The following CNTNAP2 variants were observed in gnomAD, a reference collection of about 807,000 sequenced individuals.
The protein encoded by CNTNAP2 is contactin associated protein 2.
CNTNAP2 carries 98 observed loss-of-function variants against 155.2 expected under a neutral mutation model. The observed-to-expected ratio is 0.63, with a 90% CI of 0.54 to 0.75. The LOEUF (loss-of-function observed/expected upper bound fraction) is 0.75, where lower values mean the gene tolerates loss of function less well. CNTNAP2 is among the 30% of genes least tolerant of loss of function. The probability of loss-of-function intolerance (pLI) is 0.00; values close to 1 mark genes in which losing one functional copy is unlikely to be tolerated. For synonymous variants in CNTNAP2, 651 were observed against 631.2 expected (o/e 1.03, Z -0.47); for missense variants, 1,727 against 1,688.1 (o/e 1.02, Z -0.40).
intron 10 of CNTNAP2, among the ~76,000 whole-genome samples, chr7:147,478,012 A>G (rs552165059): frequency 7.2e-5 from 11 of 152,374 alleles, no homozygotes; most frequent in African/African-American, 2.6e-4. Flanking sequence ...CAACACATAA[A>G]TGACTTAAAT....
At chr7:147,863,172 C>T (rs1799166063) in intron 13 of CNTNAP2, among the ~76,000 whole-genome samples, 1 of 152,248 alleles carries the variant, frequency 6.6e-6, no homozygotes, top group East Asian at 1.9e-4. Context: ...TAAGTGAGAA[C>T]ATGTGGTGTT....
At chr7:146,744,838 G>A (rs1344481974) in intron 1 of CNTNAP2, among the ~76,000 whole-genome samples, 1 of 152,150 alleles carries the variant, frequency 6.6e-6, no homozygotes, top group Admixed American at 6.5e-5. Flanking sequence ...CAAAGCTTAA[G>A]TTAAGCCCTG....
chr7:146,131,280 C>T (rs553295383), intron 1 of CNTNAP2, among the ~76,000 whole-genome samples: 2 of 152,248 alleles, frequency 1.3e-5, no homozygotes, highest in Admixed American at 6.5e-5. Flanking sequence ...ATTGTTAATA[C>T]ATTGAGATAG....
intron 1 of CNTNAP2, among the ~76,000 whole-genome samples, chr7:146,476,558 G>A (rs975617009): frequency 9.2e-5 from 14 of 152,016 alleles, no homozygotes; most frequent in Non-Finnish European, 1.5e-4. Context: ...TGAATTGAAC[G>A]TAGAGTTGTA....
rs371699896 is a variant in CNTNAP2, at chr7:146,680,605, C to A, written c.98-93666C>A. On this transcript the variant is annotated intron_variant, in intron 1 of 23. Transcript: ENST00000361727. ...TCCTTAGTTCATTTATGAAAAAATA[C>A]AAACCATTCAAACCCTCTGTCATAT... Among the ~76,000 whole-genome samples, 16 of 152,306 alleles carry A rather than the reference C, an allele frequency of 1.1e-4. No individual in the cohort carries two copies. The East Asian group carries it at 2.5e-3, about 24-fold the overall frequency.
At chr7:146,476,935 T>C (rs1005856025) in intron 1 of CNTNAP2, among the ~76,000 whole-genome samples, 1 of 152,140 alleles carries the variant, frequency 6.6e-6, no homozygotes, top group African/African-American at 2.4e-5. Flanking sequence ...TAAACAAAGG[T>C]AGAGAATAAA....
At chr7:147,387,328 C>G (rs1190969984) in intron 9 of CNTNAP2, among the ~76,000 whole-genome samples, 1 of 152,152 alleles carries the variant, frequency 6.6e-6, no homozygotes, top group Non-Finnish European at 1.5e-5. Flanking sequence ...CCTTCTCATT[C>G]TTGAATATTC....
At chr7:147,423,453 C>G (rs1199092009) in intron 10 of CNTNAP2, among the ~76,000 whole-genome samples, 1 of 152,072 alleles carries the variant, frequency 6.6e-6, no homozygotes, top group Non-Finnish European at 1.5e-5. Flanking sequence ...TGAAGTGGTT[C>G]CAAAACCATT....
chr7:147,505,477 C>T (rs1260640406), intron 11 of CNTNAP2, among the ~76,000 whole-genome samples: 1 of 152,134 alleles, frequency 6.6e-6, no homozygotes, highest in African/African-American at 2.4e-5. Flanking sequence ...AGTGTACACA[C>T]TAAAGTGTGT....
chr7:147,214,195 C>T (rs1234585419), intron 8 of CNTNAP2, among the ~76,000 whole-genome samples: 1 of 152,126 alleles, frequency 6.6e-6, no homozygotes, highest in Admixed American at 6.5e-5. Flanking sequence ...ATAAAAACAC[C>T]ATACGTAGGA....
At chr7:147,195,436 AG>A (rs1802771123) in intron 8 of CNTNAP2, among the ~76,000 whole-genome samples, 3 of 151,962 alleles carry the variant, frequency 2.0e-5, no homozygotes, top group Non-Finnish European at 2.9e-5. Context: ...AATTTAAAAT[AG>A]TTTTTTTTTC....
chr7:146,191,507 G>A (rs372913697), intron 1 of CNTNAP2, among the ~76,000 whole-genome samples: 23 of 152,180 alleles, frequency 1.5e-4, no homozygotes, highest in South Asian at 1.2e-3. Flanking sequence ...GCAGACAGCC[G>A]GTCTGAGTAA....
At chr7:147,834,263 A>G (rs1331545151) in intron 13 of CNTNAP2, among the ~76,000 whole-genome samples, 1 of 152,174 alleles carries the variant, frequency 6.6e-6, no homozygotes, top group Non-Finnish European at 1.5e-5. Context: ...AAATTTTTCC[A>G]TGACTGCTTT....
intron 2 of CNTNAP2, among the ~76,000 whole-genome samples, chr7:146,787,913 C>T (rs1218543584): frequency 6.6e-6 from 1 of 152,196 alleles, no homozygotes; most frequent in African/African-American, 2.4e-5. Context: ...CTGATTGGTG[C>T]GTTCACAGTC....
At chr7:148,061,914 A>G (rs9692421) in intron 15 of CNTNAP2, among the ~76,000 whole-genome samples, 11,221 of 95,658 alleles carry the variant, frequency 0.12, 860 homozygotes, top group East Asian at 0.3. Context: ...TAGATAGATA[A>G]ACAGATATAG....
At chr7:147,324,156 G>C (rs1795408639) in intron 9 of CNTNAP2, among the ~76,000 whole-genome samples, 1 of 152,152 alleles carries the variant, frequency 6.6e-6, no homozygotes, top group South Asian at 2.1e-4. Flanking sequence ...TTGAAAAGAA[G>C]TAAGGTGTAT....
At chr7:146,446,841 T>C (rs1333422741) in intron 1 of CNTNAP2, among the ~76,000 whole-genome samples, 1 of 152,036 alleles carries the variant, frequency 6.6e-6, no homozygotes, top group Non-Finnish European at 1.5e-5. Flanking sequence ...TGTTCTATAT[T>C]CTATAAAGGC....
chr7:147,268,973 C>G (rs1377148170), intron 8 of CNTNAP2, among the ~76,000 whole-genome samples: 2 of 152,236 alleles, frequency 1.3e-5, no homozygotes, highest in Non-Finnish European at 2.9e-5. Flanking sequence ...AAACCCATAA[C>G]AAATATTTGG....
intron 1 of CNTNAP2, among the ~76,000 whole-genome samples, chr7:146,519,286 A>G (rs1415933824): frequency 1.3e-5 from 2 of 151,892 alleles, no homozygotes; most frequent in Non-Finnish European, 2.9e-5. Flanking sequence ...TAATCCTGGT[A>G]TTAGAATTAC....
Sources: gnomAD v4.1 joint callset for allele counts (sites outside exome capture counted in the v4.1 genomes callset) on GRCh38, gnomAD v4.1.1 for gene constraint, MANE v1.5 for transcripts, NCBI Gene and HGNC (gene_info 2026-07-23, HGNC 2026-07-21) for gene names.